Variants in TTC29 observed in about 807,000 individuals in gnomAD.
The protein encoded by TTC29 is tetratricopeptide repeat domain 29.
A neutral mutation model predicts 58.1 loss-of-function variants in TTC29; 49 were observed. The ratio of observed to expected loss-of-function variants is 0.84; its 90% CI spans 0.67 to 1.07. TTC29 has a LOEUF of 1.07. TTC29 is among the 50% of genes least tolerant of loss of function. The pLI, the probability that TTC29 is intolerant of heterozygous loss-of-function variation, is 0.00. For missense variants in TTC29, 582 were observed against 555.6 expected (o/e 1.05, Z -0.48); for synonymous variants, 209 against 196.8 (o/e 1.06, Z -0.52).
chr4:146,809,060 C>T (rs1047241440), intron 10 of TTC29, among the ~76,000 whole-genome samples: 5 of 149,552 alleles, frequency 3.3e-5, no homozygotes, highest in Admixed American at 2.1e-4. Flanking sequence ...TGGAAAAGAA[C>T]AGAGTCTTCA....
At chr4:146,809,587 C>T (rs1750868868) in intron 10 of TTC29, among the ~76,000 whole-genome samples, 1 of 149,566 alleles carries the variant, frequency 6.7e-6, no homozygotes, top group Non-Finnish European at 1.5e-5. Context: ...ACAACTCCAT[C>T]AAAAAGTGGG....
At position 146,903,657 on chromosome 4, in the gene TTC29, A is replaced by G. The variant is rs757963451; in HGVS notation, c.473T>C (p.Val158Ala). 1.2e-6 allele frequency: 2 copies of G among 1,612,808 alleles called. No individual in the cohort carries two copies. The highest frequency in any genetic ancestry group is 1.7e-5 in the Admixed American group (1 of 59,854). The change falls in exon 6 of 13, where the codon GTA becomes GCA. Residue 158 changes from valine to alanine, a missense_variant. Physicochemically the swap from Val to Ala is moderately conservative, Grantham distance 64. Transcript: ENST00000325106. The part of the protein sequence containing the change: ...CYFNNSEDKW[V>A]RNHFYERCFK... ...ACATCGTTCATAGAAGTGGTTCCTTACCCACTTGTCTTCAGAATTATTGAA... is the reference window on the plus strand; with the variant it reads ...ACATCGTTCATAGAAGTGGTTCCTTGCCCACTTGTCTTCAGAATTATTGAA...
chr4:146,931,699 G>A (rs1165792509), intron 4 of TTC29, among the ~76,000 whole-genome samples: 2 of 152,104 alleles, frequency 1.3e-5, no homozygotes, highest in Non-Finnish European at 2.9e-5. Context: ...GAGCTGGTAA[G>A]CTTAAACACC....
intron 11 of TTC29, among the ~76,000 whole-genome samples, chr4:146,755,769 CTT>C (rs1746394309): frequency 6.6e-6 from 1 of 151,924 alleles, no homozygotes; most frequent in South Asian, 2.1e-4. Flanking sequence ...TTAAAATACT[CTT>C]TAAAAAATTA....
intron 8 of TTC29, among the ~76,000 whole-genome samples, chr4:146,839,031 GTTT>G (rs766557489): frequency 4.0e-5 from 6 of 151,848 alleles, no homozygotes; most frequent in Non-Finnish European, 5.9e-5. Flanking sequence ...CAGTTCATTT[GTTT>G]TAAAAAAGTT....
At chr4:146,767,937 G>T (rs1014988721) in intron 11 of TTC29, among the ~76,000 whole-genome samples, 1 of 151,854 alleles carries the variant, frequency 6.6e-6, no homozygotes, top group South Asian at 2.1e-4. Flanking sequence ...TAAAATTCAA[G>T]GGTTGGATAA....
At chr4:146,780,877 T>C (rs938127299) in intron 11 of TTC29, among the ~76,000 whole-genome samples, 6 of 152,070 alleles carry the variant, frequency 3.9e-5, no homozygotes, top group Admixed American at 6.6e-5. Flanking sequence ...CTTCTCTTGT[T>C]TCCTTCCCAG....
At chr4:146,771,185 A>C (rs956372846) in intron 11 of TTC29, among the ~76,000 whole-genome samples, 3 of 152,116 alleles carry the variant, frequency 2.0e-5, no homozygotes, top group Non-Finnish European at 4.4e-5. Context: ...ATTATTAAGA[A>C]ACATGTGGAC....
At chr4:146,851,632 G>A (rs1561188218) in intron 8 of TTC29, among the ~76,000 whole-genome samples, 1 of 152,250 alleles carries the variant, frequency 6.6e-6, no homozygotes. Context: ...GAGGATTGTA[G>A]GTATAATATG....
At chr4:146,862,270 C>T (rs200864021) in intron 8 of TTC29, among the ~76,000 whole-genome samples, 2 of 147,174 alleles carry the variant, frequency 1.4e-5, no homozygotes, top group Non-Finnish European at 1.5e-5. Context: ...TATATATATA[C>T]ATATACACAC....
intron 11 of TTC29, among the ~76,000 whole-genome samples, chr4:146,791,652 T>C (rs764817046): frequency 3.3e-5 from 5 of 152,236 alleles, no homozygotes; most frequent in Non-Finnish European, 5.9e-5. Context: ...TCACTTTAAA[T>C]CAAAAGGTAG....
chr4:146,898,349 T>C (rs901576304), intron 6 of TTC29, among the ~76,000 whole-genome samples: 25 of 152,338 alleles, frequency 1.6e-4, no homozygotes, highest in African/African-American at 5.1e-4. Context: ...ACTGTGCTGC[T>C]CCTGGTGCCT....
intron 8 of TTC29, among the ~76,000 whole-genome samples, chr4:146,835,124 T>C (rs982682876): frequency 6.6e-6 from 1 of 152,214 alleles, no homozygotes; most frequent in Admixed American, 6.6e-5. Context: ...TGTATTCTTT[T>C]AGCAATTTTG....
chr4:146,800,082 A>G (rs1299103260), intron 11 of TTC29, among the ~76,000 whole-genome samples: 1 of 152,194 alleles, frequency 6.6e-6, no homozygotes, highest in African/African-American at 2.4e-5. Flanking sequence ...TTTCTTCTAA[A>G]TCCCTAAGTT....
intron 9 of TTC29, among the ~76,000 whole-genome samples, chr4:146,830,846 G>A (rs1460367884): frequency 6.6e-6 from 1 of 152,132 alleles, no homozygotes; most frequent in Admixed American, 6.6e-5. Flanking sequence ...CAAGCAAAAT[G>A]TTCTAAAAAT....
chr4:146,842,623 T>C (rs1476533210), intron 8 of TTC29, among the ~76,000 whole-genome samples: 2 of 152,154 alleles, frequency 1.3e-5, no homozygotes, highest in Non-Finnish European at 2.9e-5. Context: ...GATTTCTCTG[T>C]TAACAAGAAG....
intron 2 of TTC29, among the ~76,000 whole-genome samples, chr4:146,943,287 AG>A (rs1736600231): frequency 6.7e-6 from 1 of 150,132 alleles, no homozygotes; most frequent in South Asian, 2.1e-4. Flanking sequence ...CATTAGCAGC[AG>A]GAGCACCTTT....
At chr4:146,828,040 T>C (rs960499233) in intron 9 of TTC29, among the ~76,000 whole-genome samples, 10 of 152,176 alleles carry the variant, frequency 6.6e-5, no homozygotes, top group African/African-American at 1.9e-4. Flanking sequence ...AAGAGTCTTC[T>C]ACATATCAGA....
chr4:146,930,602 G>A (rs1735266701), intron 4 of TTC29, among the ~76,000 whole-genome samples: 1 of 152,208 alleles, frequency 6.6e-6, no homozygotes, highest in Non-Finnish European at 1.5e-5. Context: ...CATAGTTGCA[G>A]TAACCTCAGT....
Sources: allele counts gnomAD v4.1 joint callset (sites outside exome capture counted in the v4.1 genomes callset), GRCh38; gene constraint gnomAD v4.1.1; transcripts MANE v1.5; gene names NCBI Gene and HGNC (gene_info 2026-07-23, HGNC 2026-07-21).